Variants in PCDHGA1 observed in about 807,000 individuals in gnomAD.
PCDHGA1 encodes the protein protocadherin gamma subfamily A, 1.
PCDHGA1 carries 32 observed loss-of-function variants against 58.0 expected under a neutral mutation model. The ratio of observed to expected loss-of-function variants is 0.55; its 90% CI spans 0.42 to 0.74. PCDHGA1 has a LOEUF of 0.74. Ranked by LOEUF, PCDHGA1 falls within the 30% of genes least tolerant of loss-of-function variation. PCDHGA1 has a pLI of 0.00. For missense variants in PCDHGA1, 1,205 were observed against 1,182.3 expected (o/e 1.02, Z -0.28); for synonymous variants, 498 against 501.1 (o/e 0.99, Z 0.08).
Position 141,507,906 on chromosome 5 carries a change from G to A in PCDHGA1, c.2569+2425G>A, listed in dbSNP as rs2099864753. ...AGAGAGGTTCCTGAAGTCCAGCCCA[G>A]CCAGGCCTGTGGGGCTGCTGAGAGG... On this transcript the variant is annotated intron_variant, in intron 3 of 3. Coordinates refer to ENST00000517417, the MANE Select transcript of PCDHGA1 (RefSeq NM_018912.3). Among the ~76,000 whole-genome samples, 4 of 152,216 alleles carry A rather than the reference G, an allele frequency of 2.6e-5. No homozygotes were observed. The South Asian group carries it at 8.3e-4, about 32-fold the overall frequency.
At chr5:141,347,137 C>CTCTTTCTTTCCTTCTTTCTTTCTT (rs1757890739) in intron 1 of PCDHGA1, among the ~76,000 whole-genome samples, 2 of 113,744 alleles carry the variant, frequency 1.8e-5, no homozygotes, top group African/African-American at 7.7e-5. Flanking sequence ...CTCTGTTTCT[C>CTCTTTCTTTCCTTCTTTCTTTCTT]TCTTTCTTTC....
chr5:141,400,645 G>A, intron 1 of PCDHGA1: 1 of 1,239,756 alleles, frequency 8.1e-7, no homozygotes, highest in Non-Finnish European at 1.2e-6. Context: ...TGCTCAGAAA[G>A]CTGTCCTACC....
chr5:141,466,278 T>G (rs1459665755), intron 1 of PCDHGA1, among the ~76,000 whole-genome samples: 1 of 152,128 alleles, frequency 6.6e-6, no homozygotes, highest in Non-Finnish European at 1.5e-5. Context: ...TCAAGCAATC[T>G]TCCCACCTCA....
intron 1 of PCDHGA1, chr5:141,379,619 T>C (rs1045405424): frequency 6.6e-6 from 1 of 152,170 alleles, no homozygotes; most frequent in African/African-American, 2.4e-5. Context: ...TTTAAACAAA[T>C]AAAATATTTC....
In PCDHGA1 at chr5:141,477,191, A is replaced by G; in HGVS notation, c.2422-17616A>G. ...GGAGATCACAGTCACCTCCGTGTACAGCCCAGTACCCGAGGATGCCCCTCT... is the reference window on the plus strand; with the variant it reads ...GGAGATCACAGTCACCTCCGTGTACGGCCCAGTACCCGAGGATGCCCCTCT... On this transcript the variant is annotated intron_variant, in intron 1 of 3. Transcript: ENST00000517417. This position sits in a 1 kb window ranked among gnomAD's most constrained non-coding sequence, Gnocchi z 4.9. 5.0e-6 allele frequency: 8 copies of G among 1,614,210 alleles called. No homozygotes were observed. The highest frequency in any genetic ancestry group is 6.8e-6 in the Non-Finnish European group (8 of 1,180,044).
At chr5:141,346,242 G>T (rs774242856) in intron 1 of PCDHGA1, 2 of 1,614,180 alleles carry the variant, frequency 1.2e-6, no homozygotes, top group South Asian at 1.1e-5. Context: ...GAGTACGCCC[G>T]GCTCGCACTT....
intron 1 of PCDHGA1, among the ~76,000 whole-genome samples, chr5:141,439,243 T>C (rs2098101178): frequency 6.6e-6 from 1 of 151,962 alleles, no homozygotes; most frequent in Non-Finnish European, 1.5e-5. Flanking sequence ...CCTATACAAT[T>C]TCAGCTGAAG....
intron 1 of PCDHGA1, chr5:141,374,866 G>T (rs956228027): frequency 3.1e-6 from 5 of 1,613,750 alleles, no homozygotes; most frequent in Non-Finnish European, 4.2e-6. Context: ...GCACACCAGT[G>T]TTGGCAGTGA....
intron 1 of PCDHGA1, chr5:141,389,400 AGCGC>A (rs2150385005): frequency 1.2e-6 from 2 of 1,613,622 alleles, no homozygotes; most frequent in African/African-American, 2.7e-5. Flanking sequence ...CGTGTCCATA[AGCGC>A]GGAGAGCGGG....
At chr5:141,430,877 G>A (rs1392342627) in intron 1 of PCDHGA1, 5 of 1,600,678 alleles carry the variant, frequency 3.1e-6, no homozygotes, top group African/African-American at 2.7e-5. Context: ...GGAAGAGCTG[G>A]AGAAAGGCTC....
intron 1 of PCDHGA1, chr5:141,390,312 C>A: frequency 1.2e-6 from 2 of 1,612,028 alleles, no homozygotes; most frequent in South Asian, 2.2e-5. Flanking sequence ...ATTTAATGCT[C>A]ATTGCCTACC....
At chr5:141,375,026 T>C in intron 1 of PCDHGA1, 2 of 1,614,030 alleles carry the variant, frequency 1.2e-6, no homozygotes, top group Non-Finnish European at 1.7e-6. Context: ...CTCGAGTTTT[T>C]ATGAGCTGGG....
intron 1 of PCDHGA1, chr5:141,398,266 G>A: frequency 1.4e-6 from 2 of 1,439,368 alleles, no homozygotes; most frequent in Non-Finnish European, 1.9e-6. Flanking sequence ...GGGCTCCGTA[G>A]TGGGGAACCT....
At position 141,382,899 on chromosome 5, in the gene PCDHGA1, T is replaced by C. The variant is rs148952660; in HGVS notation, c.2421+49794T>C. On this transcript the variant is annotated intron_variant, in intron 1 of 3. Transcript: ENST00000517417. ...GCCTAAGCAAGAGAAGCAGGACGAC[T>C]ATGGCGGCTCAGCCGAGGGGCGGGG... 463 of 1,541,826 alleles carry C rather than the reference T, an allele frequency of 3.0e-4. 2 individuals carry two copies. In the African/African-American group the frequency reaches 5.3e-3, roughly 18 times the overall value.
At chr5:141,388,464 A>G (rs750047903) in intron 1 of PCDHGA1, 2 of 1,613,850 alleles carry the variant, frequency 1.2e-6, no homozygotes, top group South Asian at 2.2e-5. Flanking sequence ...ATACCCTGAG[A>G]TGGTATTGAA....
chr5:141,355,327 T>C (rs1465140874), intron 1 of PCDHGA1: 2 of 1,613,822 alleles, frequency 1.2e-6, no homozygotes, highest in Non-Finnish European at 1.7e-6. Context: ...GGAAGAAGGC[T>C]CAGTGGTGGG....
At chr5:141,393,777 G>A (rs1388423635) in intron 1 of PCDHGA1, 2 of 1,613,916 alleles carry the variant, frequency 1.2e-6, no homozygotes, top group East Asian at 2.2e-5. Context: ...AATACAAGCC[G>A]AAGATGTGGG....
In PCDHGA1 at chr5:141,491,443, G is replaced by C. The variant is rs955584868; in HGVS notation, c.2422-3364G>C. On this transcript the variant is annotated intron_variant, in intron 1 of 3. Transcript: ENST00000517417. This position sits in a 1 kb window ranked among gnomAD's most constrained non-coding sequence, Gnocchi z 6.9. ...TGGAGGGCAGTGCTGCAGGCGCCAG[G>C]ACTCACCCTCCCCGGACTTCTATAA... 1 of 1,613,998 alleles carries C rather than the reference G, an allele frequency of 6.2e-7. No homozygotes were observed. Among genetic ancestry groups the C allele is most frequent in the Admixed American group, 1.7e-5 (1 of 60,000 alleles).
chr5:141,364,171 C>G (rs914010009), intron 1 of PCDHGA1: 73 of 786,522 alleles, frequency 9.3e-5, no homozygotes, highest in Admixed American at 2.2e-4. Context: ...CGACCCGACT[C>G]TGCTCCCTCC....
Sources: gnomAD v4.1 joint callset for allele counts (sites outside exome capture counted in the v4.1 genomes callset) on GRCh38, gnomAD v4.1.1 for gene constraint, Gnocchi (gnomAD v3.1) non-coding constraint, MANE v1.5 for transcripts, NCBI Gene and HGNC (gene_info 2026-07-23, HGNC 2026-07-21) for gene names.